The following ADGRB3 variants were observed in gnomAD, a reference collection of about 807,000 sequenced individuals.
ADGRB3 encodes the protein brain-specific angiogenesis inhibitor 3.
ADGRB3 carries 37 observed loss-of-function variants against 193.4 expected under a neutral mutation model. That is an observed-to-expected ratio of 0.19 (90% CI 0.15 to 0.25). ADGRB3 has a LOEUF of 0.25. ADGRB3 is among the 10% of genes least tolerant of loss of function. The probability of loss-of-function intolerance (pLI) is 1.00; values close to 1 mark genes in which losing one functional copy is unlikely to be tolerated. For synonymous variants in ADGRB3, 690 were observed against 644.2 expected (o/e 1.07, Z -1.08); for missense variants, 1,637 against 1,852.9 (o/e 0.88, Z 2.14).
chr6:68,780,558 G>C (rs1017472374), intron 3 of ADGRB3, among the ~76,000 whole-genome samples: 2 of 152,052 alleles, frequency 1.3e-5, no homozygotes, highest in African/African-American at 4.8e-5. Context: ...TTAAGAAATG[G>C]ATGAGCACCT....
chr6:69,031,605 C>CT (rs1770711314), intron 13 of ADGRB3, among the ~76,000 whole-genome samples: 1 of 89,396 alleles, frequency 1.1e-5, no homozygotes, highest in Non-Finnish European at 2.4e-5. Context: ...TCTTCTCTTT[C>CT]CTTTCTTTCC....
intron 3 of ADGRB3, among the ~76,000 whole-genome samples, chr6:68,902,215 A>G (rs1262419249): frequency 8.5e-5 from 13 of 152,178 alleles, no homozygotes; most frequent in Admixed American, 8.5e-4. Context: ...CAGGTCAGCC[A>G]TACATATTGA....
At chr6:68,801,296 T>C (rs888706534) in intron 3 of ADGRB3, among the ~76,000 whole-genome samples, 2 of 152,200 alleles carry the variant, frequency 1.3e-5, no homozygotes, top group Non-Finnish European at 2.9e-5. Context: ...TTTCATTCAG[T>C]TTGGGATTAC....
chr6:68,755,258 G>A (rs1766276785), intron 3 of ADGRB3, among the ~76,000 whole-genome samples: 1 of 152,132 alleles, frequency 6.6e-6, no homozygotes, highest in Non-Finnish European at 1.5e-5. Flanking sequence ...AAGGAGCTAG[G>A]CAAGTAAAAC....
chr6:69,131,602 C>A (rs1004351882), intron 17 of ADGRB3, among the ~76,000 whole-genome samples: 2 of 151,854 alleles, frequency 1.3e-5, no homozygotes, highest in East Asian at 3.9e-4. Context: ...AATTTTATAA[C>A]AAGTACATTT....
At chr6:68,648,310 C>A (rs1768263915) in intron 3 of ADGRB3, among the ~76,000 whole-genome samples, 1 of 152,022 alleles carries the variant, frequency 6.6e-6, no homozygotes, top group Non-Finnish European at 1.5e-5. Context: ...ATGATGATGC[C>A]TGAGGCATGT....
chr6:69,077,793 T>G (rs1220616015), intron 17 of ADGRB3, among the ~76,000 whole-genome samples: 4 of 152,000 alleles, frequency 2.6e-5, no homozygotes, highest in African/African-American at 9.7e-5. Context: ...GAAATGTGTT[T>G]AGTTGTCTTT....
chr6:68,831,390 G>T (rs1767950589), intron 3 of ADGRB3, among the ~76,000 whole-genome samples: 1 of 151,706 alleles, frequency 6.6e-6, no homozygotes, highest in African/African-American at 2.4e-5. Context: ...GACTTTTTAG[G>T]TGGAAAAGTC....
At chr6:68,686,832 G>T (rs1764990608) in intron 3 of ADGRB3, among the ~76,000 whole-genome samples, 1 of 151,966 alleles carries the variant, frequency 6.6e-6, no homozygotes, top group Admixed American at 6.6e-5. Flanking sequence ...TTTCTTTGGG[G>T]CATTGTCAAC....
intron 17 of ADGRB3, among the ~76,000 whole-genome samples, chr6:69,114,900 A>G (rs1284077633): frequency 6.6e-6 from 1 of 152,232 alleles, no homozygotes; most frequent in Non-Finnish European, 1.5e-5. Flanking sequence ...ATGAGATACC[A>G]TCTCACACCA....
intron 17 of ADGRB3, among the ~76,000 whole-genome samples, chr6:69,148,371 A>G (rs1446804631): frequency 6.6e-6 from 1 of 152,198 alleles, no homozygotes; most frequent in Non-Finnish European, 1.5e-5. Flanking sequence ...AACTGATGAC[A>G]ACGGTGACTG....
intron 3 of ADGRB3, among the ~76,000 whole-genome samples, chr6:68,900,481 A>G (rs1302061578): frequency 6.6e-6 from 1 of 152,156 alleles, no homozygotes; most frequent in Non-Finnish European, 1.5e-5. Context: ...CTATCTGAAG[A>G]TATCTGAAGA....
chr6:68,920,512 CAAAAAAAAAAA>C (rs5877180), intron 3 of ADGRB3, among the ~76,000 whole-genome samples: 10 of 68,884 alleles, frequency 1.5e-4, no homozygotes, highest in African/African-American at 2.5e-4. Flanking sequence ...GACTCTGTAT[CAAAAAAAAAAA>C]AAAAAAAAAA....
chr6:68,957,831 A>G (rs1012402202), intron 8 of ADGRB3, among the ~76,000 whole-genome samples: 10 of 152,174 alleles, frequency 6.6e-5, no homozygotes, highest in Admixed American at 5.9e-4. Context: ...TCACAGTACA[A>G]CACTAAGAAT....
intron 3 of ADGRB3, among the ~76,000 whole-genome samples, chr6:68,890,495 G>C (rs548733695): frequency 6.6e-6 from 1 of 152,288 alleles, no homozygotes; most frequent in Non-Finnish European, 1.5e-5. Context: ...GATAAATCAA[G>C]AGAGAGTATT....
chr6:68,739,755 A>G (rs1765941052), intron 3 of ADGRB3, among the ~76,000 whole-genome samples: 1 of 152,238 alleles, frequency 6.6e-6, no homozygotes, highest in Non-Finnish European at 1.5e-5. Flanking sequence ...AATGAAATCT[A>G]CAGAATGTTT....
At chr6:69,066,834 G>A (rs1179017435) in intron 16 of ADGRB3, among the ~76,000 whole-genome samples, 1 of 151,930 alleles carries the variant, frequency 6.6e-6, no homozygotes, top group Non-Finnish European at 1.5e-5. Flanking sequence ...AATGCATAAG[G>A]AAAGTTAATC....
At chr6:69,282,769 G>A (rs940380330) in intron 20 of ADGRB3, among the ~76,000 whole-genome samples, 1 of 152,078 alleles carries the variant, frequency 6.6e-6, no homozygotes, top group African/African-American at 2.4e-5. Context: ...ATCAATACTC[G>A]TAAATCACTA....
Position 69,372,447 on chromosome 6 carries a change from T to C in ADGRB3, c.4275+6T>C. 1 of 1,315,474 alleles carries C rather than the reference T, an allele frequency of 7.6e-7. No homozygotes were observed. Among genetic ancestry groups the C allele is most frequent in the Non-Finnish European group, 1.0e-6 (1 of 961,394 alleles). The allele number at this position is 1,315,474 out of a possible 1,614,324, so 81.5% of individuals were successfully genotyped here. On this transcript the variant is annotated splice_donor_region_variant and intron_variant, in intron 30 of 31. Transcript: ENST00000370598. Reference sequence around the variant, plus strand: ...ATTCAGACCTTGACTTTGAGGTAAGTTTATATGAATTATTTTAGAATTGTA... The same window carrying C: ...ATTCAGACCTTGACTTTGAGGTAAGCTTATATGAATTATTTTAGAATTGTA...
Sources: gnomAD v4.1 joint callset for allele counts (sites outside exome capture counted in the v4.1 genomes callset) on GRCh38, gnomAD v4.1.1 for gene constraint, MANE v1.5 for transcripts, NCBI Gene and HGNC (gene_info 2026-07-23, HGNC 2026-07-21) for gene names.